The following RUNX2 variants were observed in gnomAD, a reference collection of about 807,000 sequenced individuals.
The protein encoded by RUNX2 is RUNX family transcription factor 2.
A neutral mutation model predicts 51.7 loss-of-function variants in RUNX2; 10 were observed. That is an observed-to-expected ratio of 0.19 (90% CI 0.12 to 0.33). The LOEUF (loss-of-function observed/expected upper bound fraction) is 0.33. Among genes scored for constraint, RUNX2 ranks in the 10% least tolerant of loss-of-function variants. The probability of loss-of-function intolerance (pLI) is 1.00; values close to 1 mark genes in which losing one functional copy is unlikely to be tolerated. For synonymous variants in RUNX2, 276 were observed against 273.6 expected, an observed-to-expected ratio of 1.01 and a Z score of -0.09; for missense variants, 562 against 691.3, an observed-to-expected ratio of 0.81 and a Z score of 2.10.
rs896066907 is a variant in RUNX2, at chr6:45,491,627, T to G, written c.686-314T>G. ...AATACACATCTCTCCTGTTTGTTTT[T>G]TTTTTTTTTTTTTTTTTTACTGAGA... On this transcript the variant is annotated intron_variant, in intron 5 of 8. Coordinates refer to ENST00000647337, the MANE Select transcript of RUNX2 (RefSeq NM_001024630.4). Among the ~76,000 whole-genome samples, 32 of 147,640 alleles carry G rather than the reference T, an allele frequency of 2.2e-4. No individual in the cohort carries two copies. In the East Asian group the frequency reaches 3.9e-3, roughly 18 times the overall value.
At chr6:45,434,170 A>G (rs1011796416) in intron 4 of RUNX2, among the ~76,000 whole-genome samples, 2 of 152,216 alleles carry the variant, frequency 1.3e-5, no homozygotes, top group African/African-American at 4.8e-5. Context: ...GGAAAAAAGG[A>G]CAGAGAACAC....
rs188285940 is a variant in RUNX2, at chr6:45,393,518, C to T, written c.59-29075C>T. On this transcript the variant is annotated intron_variant, in intron 2 of 8. Coordinates refer to ENST00000647337, the MANE Select transcript of RUNX2 (RefSeq NM_001024630.4). ...GATCTCAGCTCACTGCAACCTCTGCCTCCCAGGTTCAAGAGATTCTCCTGC... is the reference window on the plus strand; with the variant it reads ...GATCTCAGCTCACTGCAACCTCTGCTTCCCAGGTTCAAGAGATTCTCCTGC... 2.6e-5 allele frequency among the ~76,000 whole-genome samples: 4 copies of T among 152,146 alleles called. No individual in the cohort carries two copies. In the East Asian group the frequency reaches 7.7e-4, roughly 29 times the overall value.
intron 4 of RUNX2, among the ~76,000 whole-genome samples, chr6:45,433,507 G>C (rs1418127961): frequency 6.6e-6 from 1 of 151,140 alleles, no homozygotes; most frequent in African/African-American, 2.4e-5. Context: ...TTTTTAACTA[G>C]AGTAATGAAT....
chr6:45,383,013 G>A (rs77735959), intron 2 of RUNX2, among the ~76,000 whole-genome samples: 3,131 of 152,310 alleles, frequency 0.021, 107 homozygotes, highest in African/African-American at 0.071. Flanking sequence ...GCCTACATTA[G>A]CTGAGATGGG....
At chr6:45,478,465 T>C (rs999358742) in intron 5 of RUNX2, among the ~76,000 whole-genome samples, 1 of 152,226 alleles carries the variant, frequency 6.6e-6, no homozygotes, top group Non-Finnish European at 1.5e-5. Flanking sequence ...ATAGAGATGA[T>C]AGATATTTGC....
intron 7 of RUNX2, among the ~76,000 whole-genome samples, chr6:45,525,487 T>C (rs1208063898): frequency 6.6e-6 from 1 of 152,214 alleles, no homozygotes; most frequent in African/African-American, 2.4e-5. Context: ...GGCTGGGAAT[T>C]GAGGAGCCTC....
chr6:45,532,270 C>T (rs1404114930), intron 7 of RUNX2, among the ~76,000 whole-genome samples: 4 of 141,034 alleles, frequency 2.8e-5, no homozygotes, highest in Admixed American at 8.0e-5. Flanking sequence ...TTTGCAGGAA[C>T]AGTATTTCTA....
In RUNX2 at chr6:45,419,326, T is replaced by TC. The variant is rs59173610; in HGVS notation, c.59-3261dup. ...GAAATAATCAATTCCCATAACTGCT[T>TC]CCCCCCTTTGCAGCCCCCACAGATT... is the stretch of plus-strand genomic sequence containing the variant. On this transcript the variant is annotated intron_variant, in intron 2 of 8. Coordinates refer to ENST00000647337, the MANE Select transcript of RUNX2 (RefSeq NM_001024630.4). Among the ~76,000 whole-genome samples the TC allele has an allele frequency of 1.7e-3, 261 of 150,940 alleles. 1 individual carries two copies. The highest frequency in any genetic ancestry group is 6.1e-3 in the African/African-American group (252 of 41,046).
intron 2 of RUNX2, among the ~76,000 whole-genome samples, chr6:45,393,927 CTT>C (rs758226180): frequency 1.2e-4 from 17 of 139,714 alleles, no homozygotes; most frequent in East Asian, 2.1e-4. Context: ...GTGCCACTTT[CTT>C]TTTTTTTTTT....
intron 2 of RUNX2, chr6:45,377,644 C>G (rs1382020459): frequency 6.6e-6 from 1 of 152,240 alleles, no homozygotes; most frequent in African/African-American, 2.4e-5. Context: ...CGCCCTCGAG[C>G]CGGGGCCAGG....
chr6:45,424,203 A>AG (rs1357839232), intron 3 of RUNX2, among the ~76,000 whole-genome samples: 3 of 152,056 alleles, frequency 2.0e-5, no homozygotes, highest in African/African-American at 7.2e-5. Context: ...CCGCAGGTTG[A>AG]GGTTTTAGGA....
chr6:45,334,256 A>G (rs1788092477), intron 2 of RUNX2, among the ~76,000 whole-genome samples: 1 of 151,152 alleles, frequency 6.6e-6, no homozygotes, highest in Non-Finnish European at 1.5e-5. Context: ...GATTTTTTAC[A>G]TCAATGATGT....
chr6:45,351,636 T>C (rs1361840827), intron 2 of RUNX2, among the ~76,000 whole-genome samples: 2 of 152,130 alleles, frequency 1.3e-5, no homozygotes, highest in Non-Finnish European at 2.9e-5. Context: ...CCTAGTTTTA[T>C]ACTTCACTAA....
chr6:45,370,321 C>T (rs952315371), intron 2 of RUNX2, among the ~76,000 whole-genome samples: 3 of 151,854 alleles, frequency 2.0e-5, no homozygotes, highest in Non-Finnish European at 4.4e-5. Context: ...CAAGGATGAC[C>T]GAATTCTGGA....
intron 7 of RUNX2, among the ~76,000 whole-genome samples, chr6:45,544,173 C>T (rs1157481267): frequency 6.6e-6 from 1 of 151,904 alleles, no homozygotes; most frequent in African/African-American, 2.4e-5. Flanking sequence ...ACTCAAATGC[C>T]TAGAAGTGAT....
intron 2 of RUNX2, among the ~76,000 whole-genome samples, chr6:45,420,366 A>G (rs1460985339): frequency 6.6e-6 from 1 of 152,136 alleles, no homozygotes; most frequent in East Asian, 1.9e-4. Flanking sequence ...AGCGAGTGGG[A>G]GCAAAGCTCT....
In RUNX2 at chr6:45,550,614, AT is replaced by A. The variant is rs1158774753; in HGVS notation, c.*3312del. 1 of 152,680 alleles carries A rather than the reference AT, an allele frequency of 6.5e-6. No individual in the cohort carries two copies. Among genetic ancestry groups the A allele is most frequent in the Non-Finnish European group, 1.5e-5 (1 of 68,032 alleles). 9.5% of individuals were successfully genotyped at this position (152,680 alleles called of 1,614,324 possible). A position where few individuals can be genotyped will look rare whatever the true frequency, so the allele number is the denominator to read the frequency against. On this transcript the variant is annotated 3_prime_UTR_variant, in exon 9 of 9. Coordinates refer to ENST00000647337, the MANE Select transcript of RUNX2 (RefSeq NM_001024630.4). ...TTTGTTGTTTTTAGAAAACGAATGC[AT>A]TTAAAAATATTTTCTATGTGAGAAT...
intron 2 of RUNX2, among the ~76,000 whole-genome samples, chr6:45,401,757 C>T (rs753586717): frequency 9.2e-5 from 14 of 152,234 alleles, no homozygotes; most frequent in Non-Finnish European, 1.8e-4. Context: ...AATGCCAGTA[C>T]ATCTTCCTAA....
At chr6:45,457,921 A>G (rs1212751077) in intron 5 of RUNX2, among the ~76,000 whole-genome samples, 5 of 152,282 alleles carry the variant, frequency 3.3e-5, no homozygotes, top group African/African-American at 4.8e-5. Flanking sequence ...GGTTAATATG[A>G]CAAGGAAGCT....
Sources: gnomAD v4.1 joint callset for allele counts (sites outside exome capture counted in the v4.1 genomes callset) on GRCh38, gnomAD v4.1.1 for gene constraint, MANE v1.5 for transcripts, NCBI Gene and HGNC (gene_info 2026-07-23, HGNC 2026-07-21) for gene names.